Variants in COPB1 observed in about 807,000 individuals in gnomAD.
COPB1 encodes the protein coat protein complex I subunit beta 1, also known as coatomer subunit beta.
Under a neutral mutation model 108.7 loss-of-function variants are expected in COPB1, and 21 were observed. The ratio of observed to expected loss-of-function variants is 0.19; its 90% confidence interval spans 0.14 to 0.28. The LOEUF is 0.28. COPB1 is among the 10% of genes least tolerant of loss of function. COPB1 has a pLI of 1.00. For missense variants in COPB1, 919 were observed against 1,141.3 expected, an observed-to-expected ratio of 0.81 and a Z score of 2.81; for synonymous variants, 378 against 386.8, an observed-to-expected ratio of 0.98 and a Z score of 0.27.
At chr11:14,463,705 G>C (rs559530180) in intron 18 of COPB1, among the ~76,000 whole-genome samples, 22 of 152,262 alleles carry the variant, frequency 1.4e-4, no homozygotes, top group African/African-American at 4.8e-4. Flanking sequence ...TACCGAACCT[G>C]CTCAAGATTT....
intron 16 of COPB1, among the ~76,000 whole-genome samples, chr11:14,468,317 C>T (rs1850327525): frequency 6.6e-6 from 1 of 152,170 alleles, no homozygotes; most frequent in South Asian, 2.1e-4. Context: ...TAGAACTGCT[C>T]TGTTTAAAGT....
intron 14 of COPB1, among the ~76,000 whole-genome samples, chr11:14,473,147 G>A (rs1393363513): frequency 6.6e-6 from 1 of 151,936 alleles, no homozygotes; most frequent in Non-Finnish European, 1.5e-5. Context: ...GCTAATTTTT[G>A]TATTTTTAGT....
intron 17 of COPB1, 111 bp from the exon 18 acceptor site, chr11:14,465,141 AAT>A (rs1850258815): frequency 7.5e-7 from 1 of 1,332,376 alleles, no homozygotes; most frequent in African/African-American, 1.4e-5. Flanking sequence ...TATGCAGCTT[AAT>A]AGTTTCTAGG....
At chr11:14,495,689 T>C (rs996411061) in intron 2 of COPB1, among the ~76,000 whole-genome samples, 6 of 152,190 alleles carry the variant, frequency 3.9e-5, no homozygotes, top group African/African-American at 1.4e-4. Context: ...GGCAAAAATA[T>C]ACATTAAACT....
chr11:14,468,717 T>G lies in COPB1; in HGVS notation c.2109A>C (p.Lys703Asn). The G allele has an allele frequency of 1.9e-6, 3 of 1,614,166 alleles. No individual in the cohort carries two copies. The highest frequency in any genetic ancestry group is 2.5e-6 in the Non-Finnish European group (3 of 1,180,018). ...TAGATGCTAGGGGATCTGCTGCCTC[T>G]TTCCTCTGTGTGTTACCCATTGCTG... ...LLAAMGNTQR[K>N]EAADPLASKL... is the part of the protein sequence containing the mutation. Residue 703 changes from lysine (K) to asparagine (N), a missense_variant, in exon 16 of 22, where the codon AAA (lysine) becomes AAC (asparagine). This residue lies in a region of COPB1 where 705 missense variants were observed against 817.8 expected (regional missense o/e 0.86). Transcript: ENST00000439561.
Position 14,466,274 on chromosome 11 carries a change from T to C in COPB1, c.2290+8A>G. Reference sequence around the variant, plus strand: ...ACAATCTCTTTCCTGAATGGTAAGTTTCCTCACCTAGTGTAGCTAGTTCTA... The same window carrying C: ...ACAATCTCTTTCCTGAATGGTAAGTCTCCTCACCTAGTGTAGCTAGTTCTA... On this transcript the variant is annotated splice_region_variant and intron_variant, in intron 17 of 21. Coordinates refer to ENST00000439561, the MANE Select transcript of COPB1 (RefSeq NM_001144061.2). The C allele has an allele frequency of 4.3e-6, 7 of 1,612,396 alleles. No homozygotes were observed. Among genetic ancestry groups the C allele is most frequent in the Non-Finnish European group, 5.9e-6 (7 of 1,179,168 alleles).
chr11:14,474,169 G>A (rs963932473), intron 14 of COPB1: 103 of 180,914 alleles, frequency 5.7e-4, no homozygotes, highest in Non-Finnish European at 9.1e-4. Context: ...TGCAGATGCT[G>A]GAGAGAAGGA....
At chr11:14,483,231 CA>C (rs1850701747) in intron 7 of COPB1, 80 bp from the exon 8 acceptor site, 4 of 105,184 alleles carry the variant, frequency 3.8e-5, no homozygotes, top group South Asian at 2.2e-4. Context: ...GCGCACACCA[CA>C]CACACACACA....
intron 16 of COPB1, among the ~76,000 whole-genome samples, chr11:14,467,554 C>CCT (rs1850311630): frequency 6.6e-6 from 1 of 152,202 alleles, no homozygotes; most frequent in African/African-American, 2.4e-5. Flanking sequence ...CCCAAAAGAA[C>CCT]TAAAAGCAGG....
intron 12 of COPB1, among the ~76,000 whole-genome samples, chr11:14,476,639 A>G (rs1850526162): frequency 6.6e-6 from 1 of 152,140 alleles, no homozygotes; most frequent in South Asian, 2.1e-4. Context: ...CTATTCTACC[A>G]TAAGGTTGTT....
chr11:14,496,264 AT>A (rs554658487), intron 2 of COPB1, among the ~76,000 whole-genome samples: 46 of 150,708 alleles, frequency 3.1e-4, no homozygotes, highest in South Asian at 6.3e-4. Flanking sequence ...TTAATTATAA[AT>A]TTTTTTTTTC....
intron 14 of COPB1, among the ~76,000 whole-genome samples, chr11:14,471,512 G>C (rs1850401732): frequency 6.6e-6 from 1 of 152,130 alleles, no homozygotes; most frequent in Admixed American, 6.5e-5. Flanking sequence ...GCCCACAAAA[G>C]AGTTACAAAA....
intron 18 of COPB1, among the ~76,000 whole-genome samples, chr11:14,462,140 C>CT (rs1373302356): frequency 6.6e-6 from 1 of 151,124 alleles, no homozygotes; most frequent in Non-Finnish European, 1.5e-5. Context: ...ATACAGAAGG[C>CT]TGACTATATT....
intron 21 of COPB1, among the ~76,000 whole-genome samples, chr11:14,458,118 C>T (rs1016679094): frequency 9.1e-4 from 108 of 118,156 alleles, no homozygotes; most frequent in Non-Finnish European, 8.0e-4. Flanking sequence ...CTCATTCTGT[C>T]ACCCAGGTTG....
intron 11 of COPB1, among the ~76,000 whole-genome samples, chr11:14,477,929 C>G (rs1850564512): frequency 6.7e-6 from 1 of 149,394 alleles, no homozygotes; most frequent in Admixed American, 6.7e-5. Flanking sequence ...CTGCCTGAAT[C>G]CAGGAGGCGG....
Position 14,499,777 on chromosome 11 carries a change from G to A in COPB1, c.-128C>T, listed in dbSNP as rs1224461352. On this transcript the variant is annotated 5_prime_UTR_variant, in exon 1 of 22. Coordinates refer to ENST00000439561, the MANE Select transcript of COPB1 (RefSeq NM_001144061.2). ...GGGGCAGTGGTTTGGTGCAGCCGCG[G>A]ATCCGTCTACTGCGGCTCCGTCTAC... is the stretch of plus-strand genomic sequence containing the variant. The A allele has an allele frequency of 5.2e-5, 8 of 152,474 alleles. No individual in the cohort carries two copies. Among genetic ancestry groups the A allele is most frequent in the East Asian group, 1.9e-4 (1 of 5,190 alleles). The allele number at this position is 152,474 out of a possible 1,614,324, so 9.4% of individuals were successfully genotyped here. A position where few individuals can be genotyped will look rare whatever the true frequency, so the allele number is the denominator to read the frequency against.
intron 17 of COPB1, 152 bp downstream of exon 17, chr11:14,466,130 G>GA: frequency 1.3e-6 from 1 of 748,588 alleles, no homozygotes; most frequent in Non-Finnish European, 2.0e-6. Context: ...GGAGTTTAAG[G>GA]AAACTAAATG....
chr11:14,475,228 T>C (rs1437346786), intron 13 of COPB1, among the ~76,000 whole-genome samples: 1 of 152,118 alleles, frequency 6.6e-6, no homozygotes, highest in Admixed American at 6.6e-5. Flanking sequence ...AATTCCAGCT[T>C]ACCTGTTTAT....
At chr11:14,470,627 G>A (rs907873139) in intron 14 of COPB1, among the ~76,000 whole-genome samples, 3 of 152,006 alleles carry the variant, frequency 2.0e-5, no homozygotes, top group African/African-American at 4.8e-5. Context: ...AAAACTACTG[G>A]AGGCCTGGGA....
Sources: gnomAD v4.1 joint callset for allele counts (sites outside exome capture counted in the v4.1 genomes callset) on GRCh38, gnomAD v4.1.1 for gene constraint, gnomAD v4.1.1 regional missense constraint, MANE v1.5 for transcripts, NCBI Gene and HGNC (gene_info 2026-07-23, HGNC 2026-07-21) for gene names.